Variants in NCAPD2 observed in about 807,000 individuals in gnomAD.
NCAPD2 encodes condensin complex subunit 1.
NCAPD2 carries 100 observed loss-of-function variants against 164.5 expected under a neutral mutation model. That is an observed-to-expected ratio of 0.61 (90% CI 0.52 to 0.72). The LOEUF is 0.72. Ranked by LOEUF, NCAPD2 falls within the 30% of genes least tolerant of loss-of-function variation. The probability of loss-of-function intolerance (pLI) is 0.00; values close to 1 mark genes in which losing one functional copy is unlikely to be tolerated. For missense variants in NCAPD2, 1,560 were observed against 1,749.2 expected, an observed-to-expected ratio of 0.89 and a Z score of 1.93; for synonymous variants, 585 against 642.6, an observed-to-expected ratio of 0.91 and a Z score of 1.36.
At position 6,511,101 on chromosome 12, in the gene NCAPD2, C is replaced by A. The variant is rs771132145; in HGVS notation, c.445-9C>A. On this transcript the variant is annotated splice_polypyrimidine_tract_variant and intron_variant, in intron 5 of 31. Coordinates refer to ENST00000315579, the MANE Select transcript of NCAPD2 (RefSeq NM_014865.4). The stretch of plus-strand genomic sequence containing the variant: ...ATTTTTTCCTCAATGTATACATGAT[C>A]CTTTTTAGGGTAAGAAAGCTCGGAC... 23 of 1,613,114 alleles carry A rather than the reference C, an allele frequency of 1.4e-5. No individual in the cohort carries two copies. The highest frequency in any genetic ancestry group is 1.8e-5 in the Non-Finnish European group (21 of 1,179,712).
At chr12:6,495,443 T>C (rs1565537242) in intron 2 of NCAPD2, among the ~76,000 whole-genome samples, 1 of 152,238 alleles carries the variant, frequency 6.6e-6, no homozygotes, top group East Asian at 1.9e-4. Flanking sequence ...AAAACAGTCT[T>C]GGTGTATGTG....
rs184840335 is a variant in NCAPD2 at position 6,506,462 on chromosome 12, C to T, written c.128-3255C>T. The stretch of plus-strand genomic sequence containing the variant: ...AAAATTAGCCGGGCATGGTGGCGGG[C>T]GCCGGTAGTCCCAGCTACTCGGGAG... On this transcript the variant is annotated intron_variant, in intron 2 of 31. Transcript: ENST00000315579. Among the ~76,000 whole-genome samples, 148 of 151,918 alleles carry T rather than the reference C, an allele frequency of 9.7e-4. 1 individual carries two copies. The highest frequency in any genetic ancestry group is 3.3e-3 in the African/African-American group (137 of 41,438).
intron 2 of NCAPD2, among the ~76,000 whole-genome samples, chr12:6,501,350 G>C (rs181159077): frequency 1.1e-3 from 164 of 148,342 alleles, no homozygotes; most frequent in Non-Finnish European, 2.1e-3. Context: ...ACGACACCTG[G>C]CTAATTTTTG....
At chr12:6,509,149 ACTC>A (rs1436155312) in intron 2 of NCAPD2, among the ~76,000 whole-genome samples, 1 of 151,806 alleles carries the variant, frequency 6.6e-6, no homozygotes, top group African/African-American at 2.4e-5. Flanking sequence ...TCATATAACT[ACTC>A]TAAGGTGTAA....
rs1555140245 is a variant in NCAPD2 at position 6,523,398 on chromosome 12, G to GTTGTTT, written c.2214+54_2214+55insGTTTTT. On this transcript the variant is annotated intron_variant, in intron 17 of 31. Transcript: ENST00000315579. Reference sequence around the variant, plus strand: ...TATTCATTCAACAAGTATTTTGGTTGTTTTTTTTTTTTTTTTTGAGACGGA... The same window carrying GTTGTTT: ...TATTCATTCAACAAGTATTTTGGTTGTTGTTTTTTTTTTTTTTTTTTTTGAGACGGA... The GTTGTTT allele has an allele frequency of 1.3e-5, 11 of 873,376 alleles. No homozygotes were observed. In the African/African-American group the frequency reaches 1.8e-4, roughly 14 times the overall value. 54.1% of individuals were successfully genotyped at this position (873,376 alleles called of 1,614,324 possible).
chr12:6,524,492 CA>C (rs1946296569), intron 17 of NCAPD2, among the ~76,000 whole-genome samples: 1 of 151,458 alleles, frequency 6.6e-6, no homozygotes, highest in South Asian at 2.1e-4. Flanking sequence ...ACTAAAAATA[CA>C]AAAAAATTAG....
chr12:6,527,047 A>G lies in NCAPD2; in HGVS notation c.2891A>G (p.Lys964Arg), dbSNP rs1320252246. The change falls in exon 22 of 32, where the codon AAA becomes AGA. Residue 964 changes from lysine to arginine, a missense_variant. By Grantham distance (26) the Lys-to-Arg change is conservative. Transcript: ENST00000315579. Reference protein sequence around the residue: ...VLREEQEHKTKDPKEKNTSSE... With the variant: ...VLREEQEHKTRDPKEKNTSSE... ...CGGGAAGAACAGGAGCACAAGACCA[A>G]AGATCCCAAGGAGAAGGTGTGTGAA... 1 of 1,612,196 alleles carries G rather than the reference A, an allele frequency of 6.2e-7. No homozygotes were observed. Among genetic ancestry groups the G allele is most frequent in the South Asian group, 1.1e-5 (1 of 90,912 alleles).
At position 6,531,535 on chromosome 12, in the gene NCAPD2, G is replaced by A; in HGVS notation, c.*123G>A. 1 of 1,514,962 alleles carries A rather than the reference G, an allele frequency of 6.6e-7. No individual in the cohort carries two copies. Among genetic ancestry groups the A allele is most frequent in the Non-Finnish European group, 8.8e-7 (1 of 1,134,774 alleles). 93.8% of individuals were successfully genotyped at this position (1,514,962 alleles called of 1,614,324 possible). ...TTAAAAAAAAAAAAGGCCGGGCACTGTGGCTCACGCCTGTAATCCCAGCAC... is the reference window on the plus strand; with the variant it reads ...TTAAAAAAAAAAAAGGCCGGGCACTATGGCTCACGCCTGTAATCCCAGCAC... On this transcript the variant is annotated 3_prime_UTR_variant, in exon 32 of 32. Transcript: ENST00000315579. The surrounding 1 kb of genome is among the most constrained non-coding windows in gnomAD (Gnocchi z 4.1).
In NCAPD2 at chr12:6,522,893, G is replaced by T. The variant is rs376195353; in HGVS notation, c.2020G>T (p.Gly674Trp). Residue 674 changes from glycine to tryptophan, a missense_variant, in exon 16 of 32, where the codon GGG becomes TGG. Physicochemically the swap from Gly to Trp is radical, Grantham distance 184. Transcript: ENST00000315579. ...FQFGVPQALFGVRRMLPLIWS... is the reference protein window; with the variant it reads ...FQFGVPQALFWVRRMLPLIWS... The stretch of plus-strand genomic sequence containing the variant: ...ATTTGGGGTACCCCAGGCCCTGTTT[G>T]GGGTGCGCCGTATGCTGCCTCTCAT... 31 of 1,614,076 alleles carry T rather than the reference G, an allele frequency of 1.9e-5. No homozygotes were observed. Among genetic ancestry groups the T allele is most frequent in the Non-Finnish European group, 2.5e-5 (29 of 1,180,046 alleles).
At chr12:6,509,686 C>T (rs1018412624) in intron 2 of NCAPD2, 31 bp from the exon 3 acceptor site, 2 of 1,606,276 alleles carry the variant, frequency 1.2e-6, no homozygotes, top group African/African-American at 2.7e-5. Flanking sequence ...TCTCTTCCCT[C>T]CAAATTGATT....
intron 2 of NCAPD2, among the ~76,000 whole-genome samples, chr12:6,501,227 ATTTTTTTTTTTTTTTT>A (rs71067121): frequency 2.9e-4 from 20 of 69,214 alleles, no homozygotes; most frequent in Middle Eastern, 0.011. Context: ...CGCCTGGCTA[ATTTTTTTTTTTTTTTT>A]TTTTTTTTTT....
chr12:6,529,520 C>G lies in NCAPD2; in HGVS notation c.3580C>G (p.Leu1194Val). 1 of 1,614,048 alleles carries G rather than the reference C, an allele frequency of 6.2e-7. No homozygotes were observed. The highest frequency in any genetic ancestry group is 8.5e-7 in the Non-Finnish European group (1 of 1,179,940). The change falls in exon 28 of 32, where the codon CTC (leucine) becomes GTC (valine). Residue 1194 changes from leucine (L) to valine (V), a missense_variant. Coordinates refer to ENST00000315579, the MANE Select transcript of NCAPD2 (RefSeq NM_014865.4). ...EPFHTIMKQL[L>V]SYITKDKQTE... ...CATCTCCCCTTCCTGCAGACAGCTCCTCTCCTACATCACCAAGGACAAGCA... is the reference window on the plus strand; with the variant it reads ...CATCTCCCCTTCCTGCAGACAGCTCGTCTCCTACATCACCAAGGACAAGCA...
Position 6,509,781 on chromosome 12 carries a change from C to T in NCAPD2, c.192C>T (p.Tyr64=), listed in dbSNP as rs762560305. The T allele has an allele frequency of 6.2e-7, 1 of 1,613,770 alleles. No individual in the cohort carries two copies. The highest frequency in any genetic ancestry group is 1.1e-5 in the South Asian group (1 of 91,026). Residue 64 remains tyrosine, a synonymous_variant, in exon 3 of 32, where the codon TAC becomes TAT. Transcript: ENST00000315579. ...TGCTGCAGCACTTTGATACTATCTA[C>T]AGCATTTTGCAGTAAGTGAAACACC... ...LAMLQHFDTI[Y]SILHHFRSID... is the part of the protein sequence containing the mutation.
intron 2 of NCAPD2, among the ~76,000 whole-genome samples, chr12:6,507,691 GAATAGT>G (rs1469970667): frequency 1.3e-5 from 2 of 152,152 alleles, no homozygotes; most frequent in African/African-American, 4.8e-5. Context: ...ATAAGGGAAG[GAATAGT>G]AATAGTAAGA....
At chr12:6,502,397 T>C (rs995008516) in intron 2 of NCAPD2, among the ~76,000 whole-genome samples, 8 of 152,170 alleles carry the variant, frequency 5.3e-5, no homozygotes, top group African/African-American at 1.9e-4. Context: ...AGGTGTGAAA[T>C]AATTGCCTAG....
chr12:6,526,028 A>G (rs779504093), intron 18 of NCAPD2, 40 bp from the exon 19 acceptor site: 20 of 1,608,778 alleles, frequency 1.2e-5, no homozygotes, highest in Middle Eastern at 3.3e-4. Flanking sequence ...GATGAGTCCA[A>G]TCCATGACTG....
chr12:6,516,195 CAA>C (rs1229356308), intron 9 of NCAPD2, among the ~76,000 whole-genome samples: 2 of 138,318 alleles, frequency 1.4e-5, no homozygotes, highest in Non-Finnish European at 3.1e-5. Context: ...GACTCTGTCT[CAA>C]AAAAAAAACC....
Position 6,509,717 on chromosome 12 carries a change from C to G in NCAPD2, c.128C>G (p.Ala43Gly), listed in dbSNP as rs139616215. ...SIKHLPPQLR[A>G]FQAAFRAQGP... ...TGATTTGTTTTTTCCATCTTCATAG[C>G]TTTTCAGGCTGCCTTTCGAGCTCAG... is the stretch of plus-strand genomic sequence containing the variant. The change falls in exon 3 of 32, where the codon GCT (alanine) becomes GGT (glycine). Residue 43 changes from alanine (A) to glycine (G), a missense_variant and splice_region_variant. Physicochemically the swap from Ala to Gly is moderately conservative, Grantham distance 60. Coordinates refer to ENST00000315579, the MANE Select transcript of NCAPD2 (RefSeq NM_014865.4). 2.4e-5 allele frequency: 38 copies of G among 1,613,656 alleles called. No homozygotes were observed. The African/African-American group carries it at 4.4e-4, about 19-fold the overall frequency.
Position 6,527,957 on chromosome 12 carries a change from T to C in NCAPD2, c.3020-11T>C. The C allele has an allele frequency of 6.2e-7, 1 of 1,614,212 alleles. No homozygotes were observed. The highest frequency in any genetic ancestry group is 8.5e-7 in the Non-Finnish European group (1 of 1,180,032). On this transcript the variant is annotated splice_polypyrimidine_tract_variant and intron_variant, in intron 23 of 31. Coordinates refer to ENST00000315579, the MANE Select transcript of NCAPD2 (RefSeq NM_014865.4). The stretch of plus-strand genomic sequence containing the variant: ...TAACCTGTCCCAAACCTGCAGTTAC[T>C]CTTCCAACAGGCAAACAGACACTGG...
Sources: gnomAD v4.1 joint callset for allele counts (sites outside exome capture counted in the v4.1 genomes callset) on GRCh38, gnomAD v4.1.1 for gene constraint, Gnocchi (gnomAD v3.1) non-coding constraint, MANE v1.5 for transcripts, NCBI Gene and HGNC (gene_info 2026-07-23, HGNC 2026-07-21) for gene names.